The following LSAMP variants were observed in gnomAD, a reference collection of about 807,000 sequenced individuals.
LSAMP encodes limbic system-associated membrane protein.
In LSAMP, 7 loss-of-function variants were observed where a neutral mutation model predicts 38.6. The observed-to-expected ratio is 0.18, with a 90% confidence interval of 0.10 to 0.34. LSAMP has a LOEUF of 0.34. LSAMP is among the 10% of genes least tolerant of loss of function. LSAMP has a pLI of 1.00. For synonymous variants in LSAMP, 154 were observed against 166.8 expected, an observed-to-expected ratio of 0.92 and a Z score of 0.59; for missense variants, 313 against 420.0, an observed-to-expected ratio of 0.75 and a Z score of 2.23.
chr3:115,953,346 G>A (rs1000723802), intron 3 of LSAMP, among the ~76,000 whole-genome samples: 4 of 150,586 alleles, frequency 2.7e-5, no homozygotes, highest in African/African-American at 9.8e-5. Context: ...ACCAATGTTA[G>A]TTAGCAAAAC....
At chr3:116,267,611 CAAAAAA>C (rs59540404) in intron 1 of LSAMP, among the ~76,000 whole-genome samples, 4 of 140,090 alleles carry the variant, frequency 2.9e-5, no homozygotes, top group Admixed American at 7.2e-5. Context: ...TTTAAGCTGG[CAAAAAA>C]AAAAAAAAAA....
At chr3:116,075,136 C>A (rs1707708539) in intron 2 of LSAMP, among the ~76,000 whole-genome samples, 2 of 110,720 alleles carry the variant, frequency 1.8e-5, no homozygotes, top group Non-Finnish European at 3.8e-5. Flanking sequence ...CTGCACCCAG[C>A]CATTTTTTTT....
chr3:116,286,755 G>A (rs569335026), intron 1 of LSAMP, among the ~76,000 whole-genome samples: 4 of 152,058 alleles, frequency 2.6e-5, no homozygotes, highest in Non-Finnish European at 5.9e-5. Flanking sequence ...AAAAGCAGAG[G>A]TTTGTTATAA....
intron 1 of LSAMP, among the ~76,000 whole-genome samples, chr3:116,251,178 A>T (rs1375870844): frequency 6.6e-6 from 1 of 152,212 alleles, no homozygotes; most frequent in African/African-American, 2.4e-5. Flanking sequence ...TAGCCAAAAC[A>T]ATAAACTGTT....
At chr3:116,346,792 T>C (rs13068349) in intron 1 of LSAMP, among the ~76,000 whole-genome samples, 50,080 of 152,118 alleles carry the variant, frequency 0.33, 11,900 homozygotes, top group African/African-American at 0.68. Flanking sequence ...CATTAAGTAC[T>C]TCCTATGTGT....
At chr3:115,993,839 T>A (rs1559911994) in intron 3 of LSAMP, among the ~76,000 whole-genome samples, 1 of 152,052 alleles carries the variant, frequency 6.6e-6, no homozygotes. Context: ...AGTGGATGAA[T>A]CAAAATGAGA....
At position 115,997,838 on chromosome 3, in the gene LSAMP, AAT is replaced by A. The variant is rs528259987; in HGVS notation, c.514+21675_514+21676del. Among the ~76,000 whole-genome samples, 927 of 145,502 alleles carry A rather than the reference AAT, an allele frequency of 6.4e-3. 8 individuals are homozygous for A. The highest frequency in any genetic ancestry group is 0.021 in the African/African-American group (842 of 39,866). ...CTAATATATGTATTTTATATATTAG[AAT>A]ATATATTATGTATTTTATATATTAG... On this transcript the variant is annotated intron_variant, in intron 3 of 6. Coordinates refer to ENST00000490035, the MANE Select transcript of LSAMP (RefSeq NM_002338.5).
chr3:115,810,472 TTA>T, intron 6 of LSAMP, 58 bp from the exon 7 acceptor site: 1 of 1,159,370 alleles, frequency 8.6e-7, no homozygotes, highest in South Asian at 1.3e-5. Flanking sequence ...CCACTGTATG[TTA>T]TAGCTGACTG....
chr3:116,445,355 G>T lies in LSAMP; in HGVS notation c.-324C>A. The T allele has an allele frequency of 1.9e-6, 1 of 529,056 alleles. No homozygotes were observed. The highest frequency in any genetic ancestry group is 3.0e-5 in the South Asian group (1 of 33,166). 32.8% of individuals were successfully genotyped at this position (529,056 alleles called of 1,614,324 possible). A position where few individuals can be genotyped will look rare whatever the true frequency, so the allele number is the denominator to read the frequency against. On this transcript the variant is annotated 5_prime_UTR_variant, in exon 1 of 7. Coordinates refer to ENST00000490035, the MANE Select transcript of LSAMP (RefSeq NM_002338.5). ...AAGGGTTCTTGTTTGGTCTCTCTGT[G>T]ACTGGATGCTCCTCTGCCAGTGTCT...
intron 3 of LSAMP, among the ~76,000 whole-genome samples, chr3:115,894,089 T>G (rs1936669040): frequency 6.6e-6 from 1 of 152,060 alleles, no homozygotes; most frequent in Non-Finnish European, 1.5e-5. Context: ...CAGTATTATT[T>G]GAATTAGATA....
In LSAMP at chr3:115,998,681, A is replaced by C. The variant is rs1349126666; in HGVS notation, c.514+20834T>G. 2.0e-5 allele frequency among the ~76,000 whole-genome samples: 3 copies of C among 152,152 alleles called. No homozygotes were observed. In the South Asian group the frequency reaches 6.2e-4, roughly 32 times the overall value. ...CTGATATGCAGGTGAAGTTTGAGAC[A>C]CACAAGTCTAAGCTAAGTTTCTCGT... is the stretch of plus-strand genomic sequence containing the variant. On this transcript the variant is annotated intron_variant, in intron 3 of 6. Transcript: ENST00000490035.
At chr3:115,902,416 C>A (rs537110833) in intron 3 of LSAMP, among the ~76,000 whole-genome samples, 2 of 152,128 alleles carry the variant, frequency 1.3e-5, no homozygotes, top group East Asian at 3.9e-4. Flanking sequence ...CTATGCAATA[C>A]CATTCTAGAC....
At chr3:116,124,643 A>G (rs956933970) in intron 1 of LSAMP, among the ~76,000 whole-genome samples, 2 of 152,196 alleles carry the variant, frequency 1.3e-5, no homozygotes, top group Admixed American at 6.5e-5. Flanking sequence ...TTGAAAACAC[A>G]AAATGAAAAT....
chr3:115,812,214 T>A (rs1288557553), intron 6 of LSAMP, among the ~76,000 whole-genome samples: 1 of 152,180 alleles, frequency 6.6e-6, no homozygotes, highest in South Asian at 2.1e-4. Flanking sequence ...GCATACAGTA[T>A]AAAATGAGCT....
At chr3:116,272,895 CT>C (rs2107672324) in intron 1 of LSAMP, among the ~76,000 whole-genome samples, 1 of 152,140 alleles carries the variant, frequency 6.6e-6, no homozygotes, top group East Asian at 1.9e-4. Flanking sequence ...GTTTTCTATT[CT>C]TTTATGAAAC....
chr3:116,170,673 C>T (rs1324633087), intron 1 of LSAMP, among the ~76,000 whole-genome samples: 3 of 152,146 alleles, frequency 2.0e-5, no homozygotes. Flanking sequence ...TTATATAAGA[C>T]ACTACATGTA....
At chr3:116,080,796 C>T (rs1707855287) in intron 2 of LSAMP, among the ~76,000 whole-genome samples, 1 of 146,480 alleles carries the variant, frequency 6.8e-6, no homozygotes, top group Non-Finnish European at 1.5e-5. Context: ...CACTAAGATT[C>T]TCAATAATCA....
At chr3:115,952,115 G>A (rs1013455579) in intron 3 of LSAMP, among the ~76,000 whole-genome samples, 1 of 152,164 alleles carries the variant, frequency 6.6e-6, no homozygotes, top group Non-Finnish European at 1.5e-5. Context: ...TACACTGCTG[G>A]TGGGAATGTA....
intron 1 of LSAMP, among the ~76,000 whole-genome samples, chr3:116,375,575 A>G (rs1249645706): frequency 3.3e-5 from 5 of 151,916 alleles, no homozygotes; most frequent in Admixed American, 2.6e-4. Flanking sequence ...CATAGTATAC[A>G]TAAAATATTG....
Sources: gnomAD v4.1 joint callset for allele counts (sites outside exome capture counted in the v4.1 genomes callset) on GRCh38, gnomAD v4.1.1 for gene constraint, MANE v1.5 for transcripts, NCBI Gene and HGNC (gene_info 2026-07-23, HGNC 2026-07-21) for gene names.